The following KPNA7 variants were observed in gnomAD, a reference collection of about 807,000 sequenced individuals.
KPNA7 encodes the protein karyopherin subunit alpha 7.
KPNA7 carries 54 observed loss-of-function variants against 53.7 expected under a neutral mutation model. That is an observed-to-expected ratio of 1.01 (90% CI 0.81 to 1.26). The LOEUF (loss-of-function observed/expected upper bound fraction) is 1.26, where lower values mean the gene tolerates loss of function less well. Ranked by LOEUF, KPNA7 falls within the 50% of genes most tolerant of loss-of-function variation. The pLI, the probability that KPNA7 is intolerant of heterozygous loss-of-function variation, is 0.00. For missense variants in KPNA7, 640 were observed against 644.5 expected (o/e 0.99, Z 0.07); for synonymous variants, 276 against 259.3 (o/e 1.06, Z -0.62).
At chr7:99,157,710 TGTCAG>T in the KPNA7 span, among the ~76,000 whole-genome samples, 1 of 148,706 alleles carries the variant, frequency 6.7e-6, no homozygotes, top group Admixed American at 6.6e-5. Flanking sequence ...TAAAATTTCT[TGTCAG>T]GTAAGAACGC....
At chr7:99,172,702 A>C (rs559500335), downstream of KPNA7, among the ~76,000 whole-genome samples, 19 of 152,266 alleles carry the variant, frequency 1.2e-4, no homozygotes, top group South Asian at 3.3e-3. Flanking sequence ...TAATTGCCAG[A>C]GGAAAGAAGG....
At chr7:99,167,608 C>A in the KPNA7 span, among the ~76,000 whole-genome samples, 2 of 138,612 alleles carry the variant, frequency 1.4e-5, no homozygotes, top group Non-Finnish European at 3.0e-5. Context: ...TGCCATCACA[C>A]CCAACTTTTT....
At chr7:99,211,459 A>G (rs937012346), upstream of KPNA7, among the ~76,000 whole-genome samples, 2 of 152,184 alleles carry the variant, frequency 1.3e-5, no homozygotes, top group Admixed American at 6.6e-5. Flanking sequence ...ATGTTGTAAG[A>G]AGAGAGACAA....
chr7:99,184,894 A>G, intron 8 of KPNA7, 35 bp downstream of exon 8: 1 of 1,512,330 alleles, frequency 6.6e-7, no homozygotes, highest in South Asian at 1.2e-5. Context: ...ATTGGAAAGT[A>G]GTCCTTTGCC....
chr7:99,153,182 G>C, the KPNA7 span, among the ~76,000 whole-genome samples: 1 of 152,198 alleles, frequency 6.6e-6, no homozygotes, highest in African/African-American at 2.4e-5. Flanking sequence ...TTTTATGTAA[G>C]TGGGAGGAGA....
At chr7:99,194,358 G>C (rs1373795506) in intron 5 of KPNA7, among the ~76,000 whole-genome samples, 1 of 152,088 alleles carries the variant, frequency 6.6e-6, no homozygotes, top group Non-Finnish European at 1.5e-5. Context: ...TTGTTGTTTT[G>C]TTTTTGTTTT....
At chr7:99,180,810 CGTCTGTGT>C (rs1799173429) in intron 9 of KPNA7, among the ~76,000 whole-genome samples, 1 of 15,330 alleles carries the variant, frequency 6.5e-5, no homozygotes, top group Non-Finnish European at 1.8e-4. Context: ...TCTCTCTCCC[CGTCTGTGT>C]CTCTCTCTCT....
At chr7:99,174,813 A>ATTTTT (rs570102879) in intron 10 of KPNA7, among the ~76,000 whole-genome samples, 1 of 145,748 alleles carries the variant, frequency 6.9e-6, no homozygotes, top group African/African-American at 2.5e-5. Context: ...TCTCTTATTT[A>ATTTTT]TTATTTTTTT....
chr7:99,157,572 G>A, the KPNA7 span, among the ~76,000 whole-genome samples: 1 of 152,074 alleles, frequency 6.6e-6, no homozygotes, highest in Non-Finnish European at 1.5e-5. Context: ...GATTTTTCAG[G>A]ACAACTCATT....
At chr7:99,157,720 G>C in the KPNA7 span, among the ~76,000 whole-genome samples, 1 of 152,172 alleles carries the variant, frequency 6.6e-6, no homozygotes, top group African/African-American at 2.4e-5. Context: ...TGTCAGGTAA[G>C]AACGCAAGCC....
At position 99,208,075 on chromosome 7, in the gene KPNA7, T is replaced by A. The variant is rs1790913471; in HGVS notation, c.-71A>T. On this transcript the variant is annotated 5_prime_UTR_variant, in exon 1 of 11. Coordinates refer to ENST00000327442, the MANE Select transcript of KPNA7 (RefSeq NM_001145715.3). ...GGACTTCTCAGCTCCATGTCCTATT[T>A]CTGCAAGACCTGCTTGTTGGCATCA... 6.6e-6 allele frequency among the ~76,000 whole-genome samples: 1 copy of A among 152,056 alleles called. No individual in the cohort carries two copies. The highest frequency in any genetic ancestry group is 6.6e-5 in the Admixed American group (1 of 15,244).
intron 10 of KPNA7, among the ~76,000 whole-genome samples, chr7:99,177,338 G>C (rs773932898): frequency 6.6e-6 from 1 of 152,156 alleles, no homozygotes; most frequent in Non-Finnish European, 1.5e-5. Flanking sequence ...CCAGCACTTT[G>C]GGATTACGCC....
rs1789743305 is a variant in KPNA7 at position 99,188,402 on chromosome 7, G to A, written c.798C>T (p.Ser266=). The change falls in exon 7 of 11, where the codon TCC becomes TCT. Residue 266 remains serine, a synonymous_variant. Coordinates refer to ENST00000327442, the MANE Select transcript of KPNA7 (RefSeq NM_001145715.3). ...GCTTGTTGGAGCCGTCGGTGAGGTA[G>A]GACAGTGCCCAGCAGGCATCCGAGA... ...EVLSDACWAL[S]YLTDGSNKRI... is the part of the protein sequence containing the mutation. 2.6e-6 allele frequency: 4 copies of A among 1,551,630 alleles called. No individual in the cohort carries two copies. In the South Asian group the frequency reaches 4.8e-5, roughly 18 times the overall value.
chr7:99,169,795 C>A (rs1426227822), downstream of KPNA7, among the ~76,000 whole-genome samples: 1 of 151,904 alleles, frequency 6.6e-6, no homozygotes, highest in Non-Finnish European at 1.5e-5. Context: ...AATCCCAGCA[C>A]TTTGGGAGGC....
At chr7:99,185,648 G>C (rs1343193586) in intron 7 of KPNA7, among the ~76,000 whole-genome samples, 1 of 151,954 alleles carries the variant, frequency 6.6e-6, no homozygotes, top group Admixed American at 6.6e-5. Context: ...GTTTAAAGGT[G>C]ACTTAAAGGA....
chr7:99,185,027 C>T lies in KPNA7; in HGVS notation c.1036G>A (p.Ala346Thr). Reference sequence around the variant, plus strand: ...GCTGCTACGTTGCTCAGGGCCCAGGCTGCCTCCTTCTGGATGGAGGGCTTG... The same window carrying T: ...GCTGCTACGTTGCTCAGGGCCCAGGTTGCCTCCTTCTGGATGGAGGGCTTG... ...HNKPSIQKEA[A>T]WALSNVAAGP... Residue 346 changes from alanine (A) to threonine (T), a missense_variant, in exon 8 of 11, where the codon GCC becomes ACC. Coordinates refer to ENST00000327442, the MANE Select transcript of KPNA7 (RefSeq NM_001145715.3). 1 of 1,551,902 alleles carries T rather than the reference C, an allele frequency of 6.4e-7. No homozygotes were observed. The highest frequency in any genetic ancestry group is 8.7e-7 in the Non-Finnish European group (1 of 1,147,024).
At chr7:99,208,446 C>CG (rs1790930732), upstream of KPNA7, among the ~76,000 whole-genome samples, 1 of 152,042 alleles carries the variant, frequency 6.6e-6, no homozygotes, top group African/African-American at 2.4e-5. Context: ...TTAGTAGAGA[C>CG]GGGGTTTCAC....
chr7:99,149,192 C>T, the KPNA7 span, among the ~76,000 whole-genome samples: 1 of 152,218 alleles, frequency 6.6e-6, no homozygotes, highest in East Asian at 1.9e-4. Context: ...CATGAACCAC[C>T]ATGCCTGGCC....
Position 99,184,964 on chromosome 7 carries a change from C to A in KPNA7, c.1099G>T (p.Asp367Tyr), listed in dbSNP as rs189459767. ...AGAGCCACCAAGGGAGGCAAGACGTCGTAGGCAAGCAGCTGCTGGATGTGG... is the reference window on the plus strand; with the variant it reads ...AGAGCCACCAAGGGAGGCAAGACGTAGTAGGCAAGCAGCTGCTGGATGTGG... Reference protein sequence around the residue: ...CHHIQQLLAYDVLPPLVALLK... With the variant: ...CHHIQQLLAYYVLPPLVALLK... The change falls in exon 8 of 11, where the codon GAC becomes TAC. Residue 367 changes from aspartate (D) to tyrosine (Y), a missense_variant. By Grantham distance (160) the Asp-to-Tyr change is radical (BLOSUM62 -3). Coordinates refer to ENST00000327442, the MANE Select transcript of KPNA7 (RefSeq NM_001145715.3). 6.4e-7 allele frequency: 1 copy of A among 1,551,934 alleles called. No individual in the cohort carries two copies. The highest frequency in any genetic ancestry group is 2.4e-5 in the East Asian group (1 of 40,938).
Sources: gnomAD v4.1 joint callset for allele counts (sites outside exome capture counted in the v4.1 genomes callset) on GRCh38, gnomAD v4.1.1 for gene constraint, MANE v1.5 for transcripts, NCBI Gene and HGNC (gene_info 2026-07-23, HGNC 2026-07-21) for gene names.